BRCA1: variants seen among roughly 807,000 people sequenced by gnomAD.
The protein encoded by BRCA1 is BRCA1 DNA repair associated.
In BRCA1, 140 loss-of-function variants were observed where a neutral mutation model predicts 173.7. That is an observed-to-expected ratio of 0.81 (90% confidence interval 0.70 to 0.93). The LOEUF (loss-of-function observed/expected upper bound fraction) is 0.93, where lower values mean the gene tolerates loss of function less well. Ranked by LOEUF, BRCA1 falls within the 40% of genes least tolerant of loss-of-function variation. BRCA1 has a pLI of 0.00. For synonymous variants in BRCA1, 662 were observed against 756.0 expected, an observed-to-expected ratio of 0.88 and a Z score of 2.04; for missense variants, 1,983 against 2,172.5, an observed-to-expected ratio of 0.91 and a Z score of 1.73.
chr17:43,142,594 A>T (rs2056083067), intron 1 of BRCA1: 1 of 152,164 alleles, frequency 6.6e-6, no homozygotes, highest in Non-Finnish European at 1.5e-5. Context: ...TATCTGTCAG[A>T]TGATGATTTT....
intron 15 of BRCA1, among the ~76,000 whole-genome samples, chr17:43,067,964 C>T (rs1567772774): frequency 2.1e-5 from 3 of 142,918 alleles, no homozygotes; most frequent in South Asian, 2.2e-4. Flanking sequence ...AGAAAGGGTA[C>T]ATTTAAAAAA....
intron 1 of BRCA1, chr17:43,162,000 G>A (rs1597946922): frequency 1.3e-5 from 2 of 152,094 alleles, no homozygotes; most frequent in African/African-American, 2.4e-5. Flanking sequence ...ACTTCTCCTC[G>A]AACCAAGATA....
intron 1 of BRCA1, among the ~76,000 whole-genome samples, chr17:43,139,394 C>T (rs1454533763): frequency 3.3e-5 from 5 of 151,108 alleles, no homozygotes; most frequent in African/African-American, 7.3e-5. Flanking sequence ...GATAGAGTCT[C>T]GCTCTGTTGC....
In BRCA1 at chr17:43,104,231, T is replaced by C; in HGVS notation, c.332A>G (p.Glu111Gly). 1.2e-6 allele frequency: 2 copies of C among 1,612,740 alleles called. No individual in the cohort carries two copies. The highest frequency in any genetic ancestry group is 1.7e-6 in the Non-Finnish European group (2 of 1,178,858). Residue 111 changes from glutamate (E) to glycine (G), a missense_variant, in exon 6 of 23, where the codon GAA becomes GGA. Physicochemically the swap from Glu to Gly is moderately conservative, Grantham distance 98. Coordinates refer to ENST00000357654, the MANE Select transcript of BRCA1 (RefSeq NM_007294.4). ...TTTTAGATGTTCAGGAGAGTTATTTTCCTTTTTTGCAAAATTATAGCTGTT... is the reference window on the plus strand; with the variant it reads ...TTTTAGATGTTCAGGAGAGTTATTTCCCTTTTTTGCAAAATTATAGCTGTT... ...YANSYNFAKK[E>G]NNSPEHLKDE...
At chr17:43,145,071 C>G in intron 1 of BRCA1, 1 of 814,782 alleles carries the variant, frequency 1.2e-6, no homozygotes, top group Admixed American at 1.8e-5. Context: ...CCGAAAAAGG[C>G]AGCAGCGAAG....
chr17:43,106,070 G>C (rs940431481), intron 4 of BRCA1, among the ~76,000 whole-genome samples: 1 of 148,140 alleles, frequency 6.8e-6, no homozygotes, highest in Non-Finnish European at 1.5e-5. Flanking sequence ...AGTGAGCCGA[G>C]ATCACGCCAC....
intron 1 of BRCA1, among the ~76,000 whole-genome samples, chr17:43,134,805 T>G (rs2175957): frequency 0.32 from 48,375 of 151,852 alleles, 8,032 homozygotes; most frequent in South Asian, 0.49. Context: ...ATACCCCCAA[T>G]AGCTGGTTTT....
In BRCA1 at chr17:43,140,721, C is replaced by T. The variant is rs980911443; in HGVS notation, c.-19-16606G>A. Among the ~76,000 whole-genome samples the T allele has an allele frequency of 5.9e-5, 9 of 152,284 alleles. No homozygotes were observed. In the South Asian group the frequency reaches 1.0e-3, roughly 18 times the overall value. On this transcript the variant is annotated intron_variant, in intron 1 of 7. Coordinates refer to the BRCA1 transcript ENST00000634433. The stretch of plus-strand genomic sequence containing the variant: ...TCTCCTCAGGATGTATTCAGATGTC[C>T]GGCCCTCTCCCTAGTCTAGGAGCCC...
At chr17:43,138,643 C>T (rs1241297368) in intron 1 of BRCA1, 4 of 773,938 alleles carry the variant, frequency 5.2e-6, no homozygotes, top group Non-Finnish European at 9.6e-6. Flanking sequence ...TTCATTTCAC[C>T]CCTTTCTGTG....
At chr17:43,046,583 G>A (rs2050926801) in intron 22 of BRCA1, among the ~76,000 whole-genome samples, 1 of 151,644 alleles carries the variant, frequency 6.6e-6, no homozygotes, top group Non-Finnish European at 1.5e-5. Context: ...AGTATTTTTA[G>A]TAGAGATGGG....
At chr17:43,127,172 G>C (rs1393940336), upstream of BRCA1, among the ~76,000 whole-genome samples, 2 of 152,242 alleles carry the variant, frequency 1.3e-5, no homozygotes, top group African/African-American at 4.8e-5. Flanking sequence ...TCAGCGCCCG[G>C]TCCCATCGAC....
intron 14 of BRCA1, among the ~76,000 whole-genome samples, chr17:43,071,812 G>T (rs1309437473): frequency 6.7e-6 from 1 of 150,316 alleles, no homozygotes; most frequent in Admixed American, 6.7e-5. Context: ...GACCATCCTG[G>T]CTAACACAGT....
chr17:43,064,827 A>ATTTTTTTTT (rs60879064), intron 16 of BRCA1, among the ~76,000 whole-genome samples: 1 of 106,694 alleles, frequency 9.4e-6, no homozygotes, highest in Non-Finnish European at 1.8e-5. Context: ...TTTGATTTGC[A>ATTTTTTTTT]TTTTTTTTTT....
At chr17:43,158,750 AC>A (rs1227859119) in intron 1 of BRCA1, among the ~76,000 whole-genome samples, 6 of 152,242 alleles carry the variant, frequency 3.9e-5, no homozygotes, top group African/African-American at 1.4e-4. Flanking sequence ...CATAAACGAA[AC>A]AAAAATCTCT....
intron 1 of BRCA1, chr17:43,159,627 A>C: frequency 8.0e-6 from 2 of 251,158 alleles, no homozygotes; most frequent in South Asian, 8.0e-5. Flanking sequence ...TCCTCACATC[A>C]CAGATACTTG....
Position 43,091,486 on chromosome 17 carries a change from T to G in BRCA1, c.4045A>C (p.Thr1349Pro), listed in dbSNP as rs80357231. The G allele has an allele frequency of 1.7e-5, 27 of 1,613,404 alleles. No individual in the cohort carries two copies. Among genetic ancestry groups the G allele is most frequent in the Middle Eastern group, 1.6e-4 (1 of 6,082 alleles). ...ELVSDDEERG[T>P]GLEENNQEEQ... Reference sequence around the variant, plus strand: ...TCTTGATTATTTTCTTCCAAGCCCGTTCCTCTTTCTTCATCATCTGAAACC... The same window carrying G: ...TCTTGATTATTTTCTTCCAAGCCCGGTCCTCTTTCTTCATCATCTGAAACC... The change falls in exon 10 of 23, where the codon ACG (threonine) becomes CCG (proline). Residue 1349 changes from threonine to proline, a missense_variant. By Grantham distance (38) the Thr-to-Pro change is conservative. Transcript: ENST00000357654.
chr17:43,054,740 T>A (rs2051388080), intron 19 of BRCA1, among the ~76,000 whole-genome samples: 1 of 120,382 alleles, frequency 8.3e-6, no homozygotes, highest in Non-Finnish European at 1.6e-5. Flanking sequence ...TGTGCCCAGC[T>A]GGGATTTTTT....
chr17:43,095,838 G>C lies in BRCA1; in HGVS notation c.670+8C>G, dbSNP rs80358050. The C allele has an allele frequency of 1.2e-6, 2 of 1,610,134 alleles. No individual in the cohort carries two copies. The highest frequency in any genetic ancestry group is 1.7e-6 in the Non-Finnish European group (2 of 1,176,884). ...AGTGCCTGTTAAGTTGGCAAACTTT[G>C]CCATTACCCTTTTTTGCAGAATCCA... is the stretch of plus-strand genomic sequence containing the variant. On this transcript the variant is annotated splice_region_variant and intron_variant, in intron 9 of 22. Transcript: ENST00000357654.
rs746927911 is a variant in BRCA1 at position 43,099,732 on chromosome 17, C to T, written c.547+43G>A. The T allele has an allele frequency of 1.7e-5, 25 of 1,497,044 alleles. No individual in the cohort carries two copies. Among genetic ancestry groups the T allele is most frequent in the Non-Finnish European group, 1.7e-5 (18 of 1,074,910 alleles). The allele number at this position is 1,497,044 out of a possible 1,614,324, so 92.7% of individuals were successfully genotyped here. On this transcript the variant is annotated intron_variant, in intron 7 of 22. Coordinates refer to ENST00000357654, the MANE Select transcript of BRCA1 (RefSeq NM_007294.4). ...TTGGCAAAACTATAAGATAAGGAAT[C>T]CAGCAATTATTATTAAATACTTAAA...
Sources: allele counts gnomAD v4.1 joint callset (sites outside exome capture counted in the v4.1 genomes callset), GRCh38; gene constraint gnomAD v4.1.1; transcripts MANE v1.5; gene names NCBI Gene and HGNC (gene_info 2026-07-23, HGNC 2026-07-21).